CACNA1D: variants seen among roughly 807,000 people sequenced by gnomAD.
CACNA1D encodes the protein calcium voltage-gated channel subunit alpha1 D.
In CACNA1D, 55 loss-of-function variants were observed where a neutral mutation model predicts 257.1. The observed-to-expected ratio is 0.21, with a 90% CI of 0.17 to 0.27. The LOEUF (loss-of-function observed/expected upper bound fraction) is 0.27, where lower values mean the gene tolerates loss of function less well. Ranked by LOEUF, CACNA1D falls within the 10% of genes least tolerant of loss-of-function variation. CACNA1D has a pLI of 1.00. For synonymous variants in CACNA1D, 980 were observed against 1,014.9 expected, an observed-to-expected ratio of 0.97 and a Z score of 0.65; for missense variants, 1,876 against 2,784.0, an observed-to-expected ratio of 0.67 and a Z score of 7.34.
At chr3:53,713,608 A>C (rs1207283211) in intron 9 of CACNA1D, among the ~76,000 whole-genome samples, 1 of 151,804 alleles carries the variant, frequency 6.6e-6, no homozygotes, top group Non-Finnish European at 1.5e-5. Context: ...GTCCTTCAGC[A>C]TGAGAGTAGA....
At chr3:53,802,032 A>G in intron 42 of CACNA1D, 115 bp from the exon 43 acceptor site, 1 of 912,566 alleles carries the variant, frequency 1.1e-6, no homozygotes, top group Non-Finnish European at 1.9e-6. Context: ...TGGATGGCGA[A>G]TCATAATTTG....
In CACNA1D at chr3:53,811,361, T is replaced by TGAG; in HGVS notation, c.6447_6449dup (p.Glu2149dup). 6.3e-7 allele frequency: 1 copy of TGAG among 1,593,110 alleles called. No individual in the cohort carries two copies. The highest frequency in any genetic ancestry group is 2.2e-5 in the East Asian group (1 of 44,490). On this transcript the variant is annotated inframe_insertion, in exon 48 of 48. Transcript: ENST00000350061. The surrounding 1 kb of genome is among the most constrained non-coding windows in gnomAD (Gnocchi z 4.2). ...ACGAAGAGCCAGACCCTGGGAGGGA[T>TGAG]GAGGAGGACCTGGCGGATGAAATGA...
At chr3:53,624,775 C>A (rs1008409250) in intron 3 of CACNA1D, among the ~76,000 whole-genome samples, 1 of 152,156 alleles carries the variant, frequency 6.6e-6, no homozygotes, top group Non-Finnish European at 1.5e-5. Context: ...TCACTGAGTT[C>A]CCCCAAGTAT....
At chr3:53,543,696 A>G (rs1448949922) in intron 3 of CACNA1D, among the ~76,000 whole-genome samples, 6 of 152,236 alleles carry the variant, frequency 3.9e-5, no homozygotes, top group Non-Finnish European at 8.8e-5. Context: ...TAGCTCTCAG[A>G]ATCACAGTGG....
chr3:53,682,379 A>AAAAAAC, intron 8 of CACNA1D, among the ~76,000 whole-genome samples: 1 of 145,234 alleles, frequency 6.9e-6, no homozygotes, highest in East Asian at 2.0e-4. Context: ...AAAAAAAAAA[A>AAAAAAC]AAAAAAAAAA....
intron 3 of CACNA1D, among the ~76,000 whole-genome samples, chr3:53,627,142 A>C (rs1289702960): frequency 1.3e-5 from 2 of 152,198 alleles, no homozygotes; most frequent in African/African-American, 4.8e-5. Flanking sequence ...TTCCTGCTGA[A>C]ATTCTGTGGA....
intron 14 of CACNA1D, among the ~76,000 whole-genome samples, chr3:53,724,277 A>G (rs1274964080): frequency 6.6e-6 from 1 of 152,264 alleles, no homozygotes; most frequent in Non-Finnish European, 1.5e-5. Context: ...TCTTCCAAGA[A>G]AACTTTTTGA....
chr3:53,646,273 A>G (rs556965060), intron 3 of CACNA1D, among the ~76,000 whole-genome samples: 2 of 152,318 alleles, frequency 1.3e-5, no homozygotes, highest in Non-Finnish European at 1.5e-5. Flanking sequence ...ATAGCAGGGG[A>G]GGCCAGGTGA....
intron 9 of CACNA1D, among the ~76,000 whole-genome samples, chr3:53,717,340 T>A (rs2094830353): frequency 6.6e-6 from 1 of 152,096 alleles, no homozygotes; most frequent in Non-Finnish European, 1.5e-5. Context: ...TCACCCCTAT[T>A]CCAGGTGGGT....
At position 53,810,516 on chromosome 3, in the gene CACNA1D, G is replaced by A. The variant is rs968581631; in HGVS notation, c.6192+218G>A. ...TTACGTCTGTAATCTCAGCACTTTG[G>A]GAGGCCGAGGCGGGTGGATCACCTG... On this transcript the variant is annotated intron_variant, in intron 47 of 47. Transcript: ENST00000350061. 1.0e-5 allele frequency: 6 copies of A among 599,476 alleles called. No individual in the cohort carries two copies. The Admixed American group carries it at 1.5e-4, about 15-fold the overall frequency. 37.1% of individuals were successfully genotyped at this position (599,476 alleles called of 1,614,324 possible).
intron 3 of CACNA1D, among the ~76,000 whole-genome samples, chr3:53,584,281 A>G (rs1420500578): frequency 6.6e-6 from 1 of 152,194 alleles, no homozygotes; most frequent in Non-Finnish European, 1.5e-5. Flanking sequence ...TCTGAACAGG[A>G]GGCAGTGGAC....
At chr3:53,689,824 A>G (rs2094503923) in intron 8 of CACNA1D, among the ~76,000 whole-genome samples, 1 of 151,958 alleles carries the variant, frequency 6.6e-6, no homozygotes, top group Non-Finnish European at 1.5e-5. Flanking sequence ...ATGCCCAGCT[A>G]ATTTTAAAAC....
chr3:53,521,481 G>A (rs150552580), intron 3 of CACNA1D, among the ~76,000 whole-genome samples: 2 of 152,294 alleles, frequency 1.3e-5, no homozygotes, highest in African/African-American at 4.8e-5. Flanking sequence ...GTAACGGGAG[G>A]CACTGTGATC....
intron 3 of CACNA1D, among the ~76,000 whole-genome samples, chr3:53,561,677 T>C (rs995373415): frequency 4.6e-5 from 7 of 152,340 alleles, no homozygotes; most frequent in Middle Eastern, 6.8e-3. Context: ...ATCATACTTC[T>C]CTTGATTTAG....
intron 3 of CACNA1D, among the ~76,000 whole-genome samples, chr3:53,507,119 G>T (rs1477630090): frequency 6.7e-6 from 1 of 148,412 alleles, no homozygotes; most frequent in Non-Finnish European, 1.5e-5. Context: ...GAAGGGGAGA[G>T]AGCCTCAAAA....
intron 3 of CACNA1D, among the ~76,000 whole-genome samples, chr3:53,580,081 T>C (rs2093105676): frequency 6.6e-6 from 1 of 152,218 alleles, no homozygotes; most frequent in South Asian, 2.1e-4. Flanking sequence ...GCCCTACAAC[T>C]GGCCACCTAA....
At chr3:53,697,601 A>C (rs1420177891) in intron 8 of CACNA1D, among the ~76,000 whole-genome samples, 1 of 152,190 alleles carries the variant, frequency 6.6e-6, no homozygotes, top group East Asian at 1.9e-4. Flanking sequence ...GAACAACCCC[A>C]AGAATAGAAA....
intron 39 of CACNA1D, among the ~76,000 whole-genome samples, chr3:53,784,285 C>A (rs2095441518): frequency 6.6e-6 from 1 of 152,226 alleles, no homozygotes. Context: ...CCCCAGGACT[C>A]TCCTCCATCC....
chr3:53,732,075 T>G lies in CACNA1D; in HGVS notation c.2466T>G (p.Asp822Glu). 1 of 1,611,872 alleles carries G rather than the reference T, an allele frequency of 6.2e-7. No individual in the cohort carries two copies. Among genetic ancestry groups the G allele is most frequent in the Non-Finnish European group, 8.5e-7 (1 of 1,177,846 alleles). The stretch of plus-strand genomic sequence containing the variant: ...ACAAGGACCCCTATCCGCCTTGCGA[T>G]GTGCCAGGTATGGTGGCGGAGGCCG... The part of the protein sequence containing the change: ...DEDKDPYPPC[D>E]VPVGEEEEEE... The change falls in exon 18 of 48, where the codon GAT (aspartate) becomes GAG (glutamate). Residue 822 changes from aspartate to glutamate, a missense_variant. This residue lies in a region of CACNA1D where 78 missense variants were observed against 69.2 expected (regional missense o/e 1.13). Transcript: ENST00000350061.
Sources: gnomAD v4.1 joint callset for allele counts (sites outside exome capture counted in the v4.1 genomes callset) on GRCh38, gnomAD v4.1.1 for gene constraint, gnomAD v4.1.1 regional missense constraint, Gnocchi (gnomAD v3.1) non-coding constraint, MANE v1.5 for transcripts, NCBI Gene and HGNC (gene_info 2026-07-23, HGNC 2026-07-21) for gene names.